CAP2: variants seen among roughly 807,000 people sequenced by gnomAD.
CAP2 encodes the protein adenylyl cyclase-associated protein 2.
In CAP2, 24 loss-of-function variants were observed where a neutral mutation model predicts 57.7. That is an observed-to-expected ratio of 0.42 (90% CI 0.30 to 0.58). The LOEUF is 0.58. CAP2 is among the 20% of genes least tolerant of loss of function. The pLI is 0.22. For missense variants in CAP2, 501 were observed against 590.3 expected (o/e 0.85, Z 1.57); for synonymous variants, 194 against 207.2 (o/e 0.94, Z 0.55).
chr6:17,436,702 T>C (rs1236505897), intron 3 of CAP2, among the ~76,000 whole-genome samples: 2 of 151,950 alleles, frequency 1.3e-5, no homozygotes, highest in African/African-American at 4.8e-5. Context: ...TCTCAAGCCT[T>C]CCACTGACTG....
intron 11 of CAP2, among the ~76,000 whole-genome samples, chr6:17,543,624 CAAAA>C (rs66747239): frequency 1.3e-4 from 11 of 83,914 alleles, no homozygotes; most frequent in African/African-American, 3.8e-4. Context: ...GACTCCATCT[CAAAA>C]AAAAAAAAAA....
At chr6:17,466,066 C>A (rs1393930442) in intron 4 of CAP2, among the ~76,000 whole-genome samples, 1 of 152,226 alleles carries the variant, frequency 6.6e-6, no homozygotes, top group Non-Finnish European at 1.5e-5. Context: ...GTCTGTCATA[C>A]ACAATCGCCA....
rs547895401 is a variant in CAP2, at chr6:17,545,995, A to G, written c.1209+2852A>G. On this transcript the variant is annotated intron_variant, in intron 11 of 12. Transcript: ENST00000229922. ...CTTTGCTATTGCGAATAGTGCCGCA[A>G]TAAACATATGTGTGCATGTGTCTTT... Among the ~76,000 whole-genome samples, 374 of 152,352 alleles carry G rather than the reference A, an allele frequency of 2.5e-3. 2 individuals are homozygous for G. Among genetic ancestry groups the G allele is most frequent in the African/African-American group, 8.4e-3 (348 of 41,588 alleles).
Position 17,513,740 on chromosome 6 carries a change from C to T in CAP2, c.531-109C>T, listed in dbSNP as rs552023910. ...TGCCTGGGTTGCAAGGACGATTGCTCCGGGCTCCAGGGCCCCTAGTCACTA... is the reference window on the plus strand; with the variant it reads ...TGCCTGGGTTGCAAGGACGATTGCTTCGGGCTCCAGGGCCCCTAGTCACTA... On this transcript the variant is annotated intron_variant, in intron 6 of 12. Transcript: ENST00000229922. This position sits in a 1 kb window ranked among gnomAD's most constrained non-coding sequence, Gnocchi z 4.3. 8 of 719,188 alleles carry T rather than the reference C, an allele frequency of 1.1e-5. No homozygotes were observed. Among genetic ancestry groups the T allele is most frequent in the South Asian group, 3.4e-5 (2 of 59,410 alleles). 44.6% of individuals were successfully genotyped at this position (719,188 alleles called of 1,614,324 possible). A position where few individuals can be genotyped will look rare whatever the true frequency, so the allele number is the denominator to read the frequency against.
At chr6:17,416,279 T>C (rs1759273223) in intron 1 of CAP2, among the ~76,000 whole-genome samples, 1 of 152,118 alleles carries the variant, frequency 6.6e-6, no homozygotes, top group Admixed American at 6.6e-5. Context: ...GACCAGATCT[T>C]CTAGATGACT....
At chr6:17,484,785 T>C (rs1761381650) in intron 4 of CAP2, among the ~76,000 whole-genome samples, 1 of 152,170 alleles carries the variant, frequency 6.6e-6, no homozygotes, top group African/African-American at 2.4e-5. Context: ...GAGAAAGTGG[T>C]TTTGAGACCA....
chr6:17,417,178 G>A (rs1026401448), intron 1 of CAP2, among the ~76,000 whole-genome samples: 1 of 151,032 alleles, frequency 6.6e-6, no homozygotes, highest in Admixed American at 6.6e-5. Flanking sequence ...GAGGATGGGT[G>A]CACTTCTCAT....
At chr6:17,546,990 A>G (rs1763062298) in intron 11 of CAP2, among the ~76,000 whole-genome samples, 1 of 152,218 alleles carries the variant, frequency 6.6e-6, no homozygotes, top group Admixed American at 6.5e-5. Context: ...AAGTCTCAGG[A>G]TACAAAATCA....
chr6:17,551,750 C>T, intron 12 of CAP2, 146 bp downstream of exon 12: 1 of 617,092 alleles, frequency 1.6e-6, no homozygotes, highest in Non-Finnish European at 2.8e-6. Flanking sequence ...AGCTGTCTTC[C>T]ACATCTCTTC....
chr6:17,513,026 G>A lies in CAP2; in HGVS notation c.531-823G>A, dbSNP rs1201980482. Among the ~76,000 whole-genome samples the A allele has an allele frequency of 6.6e-6, 1 of 152,064 alleles. No homozygotes were observed. Among genetic ancestry groups the A allele is most frequent in the African/African-American group, 2.4e-5 (1 of 41,408 alleles). ...ATGTCATTATTTTTGCATTTACCTTGACTTCTATAAGTGAGAAAAAATATA... is the reference window on the plus strand; with the variant it reads ...ATGTCATTATTTTTGCATTTACCTTAACTTCTATAAGTGAGAAAAAATATA... On this transcript the variant is annotated intron_variant, in intron 6 of 12. Coordinates refer to ENST00000229922, the MANE Select transcript of CAP2 (RefSeq NM_006366.3). The surrounding 1 kb of genome is among the most constrained non-coding windows in gnomAD (Gnocchi z 4.3).
intron 5 of CAP2, 136 bp downstream of exon 5, chr6:17,507,448 TA>T: frequency 2.1e-6 from 2 of 941,132 alleles, no homozygotes; most frequent in South Asian, 3.2e-5. Context: ...CACTTTCTCC[TA>T]CCCTGTTTAA....
intron 4 of CAP2, among the ~76,000 whole-genome samples, chr6:17,476,384 CTT>C (rs1359402031): frequency 6.6e-6 from 1 of 152,182 alleles, no homozygotes; most frequent in Non-Finnish European, 1.5e-5. Context: ...TTTGAAATGT[CTT>C]TTCATAGAAA....
At chr6:17,459,588 T>G (rs1760669924) in intron 3 of CAP2, among the ~76,000 whole-genome samples, 1 of 152,074 alleles carries the variant, frequency 6.6e-6, no homozygotes, top group African/African-American at 2.4e-5. Context: ...GAAGATAACT[T>G]GTACTCTTAG....
At chr6:17,446,033 G>A (rs554343448) in intron 3 of CAP2, among the ~76,000 whole-genome samples, 3 of 152,098 alleles carry the variant, frequency 2.0e-5, no homozygotes, top group Non-Finnish European at 4.4e-5. Context: ...ACTATACTTC[G>A]TATTTCAGTT....
At chr6:17,428,791 A>G (rs567967971) in intron 3 of CAP2, among the ~76,000 whole-genome samples, 6 of 152,286 alleles carry the variant, frequency 3.9e-5, no homozygotes, top group Admixed American at 1.3e-4. Flanking sequence ...AAAAAGTTAA[A>G]AAAAGTATAA....
intron 1 of CAP2, among the ~76,000 whole-genome samples, chr6:17,400,758 G>A (rs567441426): frequency 5.3e-4 from 80 of 152,004 alleles, no homozygotes; most frequent in Admixed American, 5.2e-3. Context: ...CCAGCTACTC[G>A]GGAGGCTGAG....
At position 17,421,529 on chromosome 6, in the gene CAP2, CTCCATTTGTGCCTGTGCTTT is replaced by C; in HGVS notation, c.-1-23_-1-4del. 6.2e-7 allele frequency: 1 copy of C among 1,614,070 alleles called. No homozygotes were observed. The highest frequency in any genetic ancestry group is 8.5e-7 in the Non-Finnish European group (1 of 1,179,916). ...TCATCCTCCCTGATGCTCACGCAGC[CTCCATTTGTGCCTGTGCTTT>C]TCTAGAATGGCCAACATGCAGGGAC... On this transcript the variant is annotated splice_polypyrimidine_tract_variant and splice_region_variant and intron_variant, in intron 1 of 12. Transcript: ENST00000229922.
In CAP2 at chr6:17,507,496, GT is replaced by G; in HGVS notation, c.445-140del. 8 of 794,292 alleles carry G rather than the reference GT, an allele frequency of 1.0e-5. No homozygotes were observed. In the South Asian group the frequency reaches 1.2e-4, roughly 12 times the overall value. 49.2% of individuals were successfully genotyped at this position (794,292 alleles called of 1,614,324 possible). A position where few individuals can be genotyped will look rare whatever the true frequency, so the allele number is the denominator to read the frequency against. Reference sequence around the variant, plus strand: ...TCTGTTCTGAGATACTGTAGAAAGTGTTTTTATCAACCTTTACAGAGCAACA... The same window carrying G: ...TCTGTTCTGAGATACTGTAGAAAGTGTTTTATCAACCTTTACAGAGCAACA... On this transcript the variant is annotated intron_variant, in intron 5 of 12. Transcript: ENST00000229922.
In CAP2 at chr6:17,472,291, G is replaced by A. The variant is rs1230663309; in HGVS notation, c.300+9218G>A. Among the ~76,000 whole-genome samples, 2 of 23,138 alleles carry A rather than the reference G, an allele frequency of 8.6e-5. 1 individual carries two copies. The highest frequency in any genetic ancestry group is 1.4e-4 in the Non-Finnish European group (2 of 14,206). 15.2% of individuals were successfully genotyped at this position (23,138 alleles called of 152,430 possible). ...GGAGCTTGCAGTGAGCCGAGATCCC[G>A]CCACTGCACTCCAGCCTGGGCGACA... is the stretch of plus-strand genomic sequence containing the variant. On this transcript the variant is annotated intron_variant, in intron 4 of 12. Transcript: ENST00000229922.
Sources: gnomAD v4.1 joint callset for allele counts (sites outside exome capture counted in the v4.1 genomes callset) on GRCh38, gnomAD v4.1.1 for gene constraint, Gnocchi (gnomAD v3.1) non-coding constraint, MANE v1.5 for transcripts, NCBI Gene and HGNC (gene_info 2026-07-23, HGNC 2026-07-21) for gene names.